The following GALNTL6 variants were observed in gnomAD, a reference collection of about 807,000 sequenced individuals.
GALNTL6 encodes polypeptide N-acetylgalactosaminyltransferase-like 6.
A neutral mutation model predicts 73.7 loss-of-function variants in GALNTL6; 46 were observed. The observed-to-expected ratio is 0.62, with a 90% CI of 0.49 to 0.80. The LOEUF (loss-of-function observed/expected upper bound fraction) is 0.80. Ranked by LOEUF, GALNTL6 falls within the 30% of genes least tolerant of loss-of-function variation. GALNTL6 has a pLI of 0.00. For synonymous variants in GALNTL6, 259 were observed against 263.7 expected (o/e 0.98, Z 0.17); for missense variants, 604 against 755.0 (o/e 0.80, Z 2.34).
At chr4:172,242,239 A>C (rs921898109) in intron 3 of GALNTL6, among the ~76,000 whole-genome samples, 2 of 152,062 alleles carry the variant, frequency 1.3e-5, no homozygotes, top group African/African-American at 4.8e-5. Context: ...TAAATATATG[A>C]TCTTTCCTAT....
At chr4:172,236,990 G>A (rs7682018) in intron 3 of GALNTL6, among the ~76,000 whole-genome samples, 5,386 of 152,204 alleles carry the variant, frequency 0.035, 299 homozygotes, top group African/African-American at 0.12. Context: ...TCCTGCTTTA[G>A]TTTACTTGGG....
intron 3 of GALNTL6, among the ~76,000 whole-genome samples, chr4:172,299,671 A>C (rs1440133207): frequency 1.3e-5 from 2 of 152,126 alleles, no homozygotes; most frequent in Non-Finnish European, 2.9e-5. Flanking sequence ...CATGTAGTTG[A>C]GCAGTTTTGA....
chr4:172,069,395 GTT>G lies in GALNTL6; in HGVS notation c.139-160260_139-160259del, dbSNP rs1731441567. Among the ~76,000 whole-genome samples the G allele has an allele frequency of 2.1e-5, 2 of 95,540 alleles. 1 individual carries two copies. Among genetic ancestry groups the G allele is most frequent in the Non-Finnish European group, 4.4e-5 (2 of 45,178 alleles). The allele number at this position is 95,540 out of a possible 152,430, so 62.7% of individuals were successfully genotyped here. The stretch of plus-strand genomic sequence containing the variant: ...TATATATATGTGTGTGTACATATGT[GTT>G]ATATATAACACATATATGTTATATA... On this transcript the variant is annotated intron_variant, in intron 2 of 12. Transcript: ENST00000506823.
chr4:172,840,727 C>T (rs1188993299), intron 7 of GALNTL6, among the ~76,000 whole-genome samples: 1 of 152,172 alleles, frequency 6.6e-6, no homozygotes, highest in Non-Finnish European at 1.5e-5. Context: ...GTAACTGATT[C>T]AGTGCCTGGC....
chr4:172,825,056 CTTTTTTT>C (rs36147306), intron 7 of GALNTL6, among the ~76,000 whole-genome samples: 1 of 118,328 alleles, frequency 8.5e-6, no homozygotes, highest in Non-Finnish European at 1.7e-5. Context: ...ATTCTTTTTT[CTTTTTTT>C]TTTTTTTGGT....
intron 5 of GALNTL6, among the ~76,000 whole-genome samples, chr4:172,753,639 T>C (rs1306223181): frequency 3.9e-5 from 6 of 152,222 alleles, no homozygotes; most frequent in African/African-American, 9.6e-5. Flanking sequence ...GTGCTGTCAC[T>C]ATATGGACTT....
At chr4:171,989,483 C>T (rs1003524953) in intron 2 of GALNTL6, among the ~76,000 whole-genome samples, 2 of 152,164 alleles carry the variant, frequency 1.3e-5, no homozygotes, top group African/African-American at 2.4e-5. Flanking sequence ...GCCAGATTTC[C>T]GGCACTTGTA....
intron 5 of GALNTL6, among the ~76,000 whole-genome samples, chr4:172,732,656 T>G (rs1028743742): frequency 6.6e-6 from 1 of 152,240 alleles, no homozygotes; most frequent in Non-Finnish European, 1.5e-5. Context: ...TCTGATAGTA[T>G]GTTTTAATTT....
intron 5 of GALNTL6, among the ~76,000 whole-genome samples, chr4:172,743,576 T>A (rs1004623253): frequency 2.0e-5 from 3 of 152,040 alleles, no homozygotes; most frequent in African/African-American, 7.2e-5. Context: ...TGTGCTTTAC[T>A]AAGATACATA....
chr4:171,988,322 A>G (rs994444033), intron 2 of GALNTL6, among the ~76,000 whole-genome samples: 1 of 152,124 alleles, frequency 6.6e-6, no homozygotes, highest in Non-Finnish European at 1.5e-5. Context: ...TTTTTATGAG[A>G]ATTATGCCAA....
At chr4:172,416,090 G>T (rs924365609) in intron 5 of GALNTL6, among the ~76,000 whole-genome samples, 1 of 152,114 alleles carries the variant, frequency 6.6e-6, no homozygotes, top group African/African-American at 2.4e-5. Context: ...TGAAGGTCTC[G>T]AAATGTATGG....
At chr4:172,134,492 T>A (rs1008031898) in intron 2 of GALNTL6, among the ~76,000 whole-genome samples, 2 of 152,012 alleles carry the variant, frequency 1.3e-5, no homozygotes, top group African/African-American at 2.4e-5. Context: ...AAAATAGGAA[T>A]GTAGAATGGT....
intron 2 of GALNTL6, among the ~76,000 whole-genome samples, chr4:172,109,365 G>A (rs370441171): frequency 1.3e-5 from 2 of 152,196 alleles, no homozygotes; most frequent in African/African-American, 4.8e-5. Flanking sequence ...ACTTGGAATG[G>A]TCCTAGAATT....
At chr4:172,768,965 A>G (rs17058878) in intron 5 of GALNTL6, among the ~76,000 whole-genome samples, 72,713 of 151,542 alleles carry the variant, frequency 0.48, 18,258 homozygotes, top group African/African-American at 0.63. Context: ...CTTGGAGGAA[A>G]CTGACTCCTT....
chr4:171,936,917 T>C (rs1738365823), intron 2 of GALNTL6, among the ~76,000 whole-genome samples: 1 of 152,088 alleles, frequency 6.6e-6, no homozygotes, highest in South Asian at 2.1e-4. Flanking sequence ...TAGATATTAG[T>C]TCAAGGCTAA....
At chr4:172,595,733 T>C (rs896612245) in intron 5 of GALNTL6, among the ~76,000 whole-genome samples, 4 of 152,132 alleles carry the variant, frequency 2.6e-5, no homozygotes, top group Non-Finnish European at 5.9e-5. Context: ...AGCATTATTA[T>C]CTTGGATATA....
chr4:172,256,881 T>A (rs896734429), intron 3 of GALNTL6, among the ~76,000 whole-genome samples: 5 of 151,360 alleles, frequency 3.3e-5, no homozygotes, highest in African/African-American at 1.2e-4. Context: ...TTCATTCACC[T>A]CTATATTCCC....
At chr4:172,065,848 A>C (rs2110890518) in intron 2 of GALNTL6, among the ~76,000 whole-genome samples, 1 of 152,296 alleles carries the variant, frequency 6.6e-6, no homozygotes, top group African/African-American at 2.4e-5. Flanking sequence ...CAGTGAAGGG[A>C]GAAGCCCCTT....
intron 3 of GALNTL6, among the ~76,000 whole-genome samples, chr4:172,258,716 C>T (rs530764216): frequency 1.9e-4 from 29 of 151,278 alleles, no homozygotes; most frequent in Non-Finnish European, 4.3e-4. Flanking sequence ...AGTGATTGAA[C>T]CCAATGTGTA....
Sources: allele counts gnomAD v4.1 joint callset (sites outside exome capture counted in the v4.1 genomes callset), GRCh38; gene constraint gnomAD v4.1.1; transcripts MANE v1.5; gene names NCBI Gene and HGNC (gene_info 2026-07-23, HGNC 2026-07-21).